Variants in BCAR3 observed in about 807,000 individuals in gnomAD.
The protein encoded by BCAR3 is BCAR3 adaptor protein, NSP family member.
In BCAR3, 37 loss-of-function variants were observed where a neutral mutation model predicts 80.1. That is an observed-to-expected ratio of 0.46 (90% CI 0.36 to 0.61). BCAR3 has a LOEUF of 0.61. Among genes scored for constraint, BCAR3 ranks in the 20% least tolerant of loss-of-function variants. BCAR3 has a pLI of 0.00. For synonymous variants in BCAR3, 389 were observed against 418.9 expected, an observed-to-expected ratio of 0.93 and a Z score of 0.87; for missense variants, 978 against 1,068.2, an observed-to-expected ratio of 0.92 and a Z score of 1.18.
intron 2 of BCAR3, among the ~76,000 whole-genome samples, chr1:93,770,633 A>C (rs912822637): frequency 1.3e-5 from 2 of 152,198 alleles, no homozygotes; most frequent in Non-Finnish European, 2.9e-5. Context: ...GGTGGGTAGA[A>C]AATACCTATA....
intron 5 of BCAR3, chr1:93,584,882 T>C (rs1354567065): frequency 5.3e-6 from 4 of 757,518 alleles, no homozygotes; most frequent in Non-Finnish European, 6.4e-6. Flanking sequence ...ACAGAGGCAC[T>C]GCACCAGCCA....
intron 7 of BCAR3, among the ~76,000 whole-genome samples, chr1:93,581,929 G>A (rs1557842971): frequency 6.6e-6 from 1 of 152,172 alleles, no homozygotes; most frequent in African/African-American, 2.4e-5. Context: ...TGAGGCAAGG[G>A]GGTAGTTTAT....
intron 2 of BCAR3, among the ~76,000 whole-genome samples, chr1:93,834,346 C>T (rs1654686612): frequency 6.6e-6 from 1 of 152,062 alleles, no homozygotes; most frequent in Admixed American, 6.6e-5. Context: ...ACTCTCCTAT[C>T]CCTCAATACC....
chr1:93,659,306 T>A (rs1459994285), intron 2 of BCAR3, among the ~76,000 whole-genome samples: 1 of 152,154 alleles, frequency 6.6e-6, no homozygotes, highest in African/African-American at 2.4e-5. Flanking sequence ...TGACTCAGCC[T>A]CCTGAGTAGC....
chr1:93,620,534 ATGGGGCC>A (rs1675275402), intron 3 of BCAR3, among the ~76,000 whole-genome samples: 1 of 151,964 alleles, frequency 6.6e-6, no homozygotes, highest in Non-Finnish European at 1.5e-5. Flanking sequence ...CCCTCTGCCT[ATGGGGCC>A]TGGGTGGTAC....
At chr1:93,605,301 G>T (rs1674742000) in intron 3 of BCAR3, 1 of 152,212 alleles carries the variant, frequency 6.6e-6, no homozygotes, top group African/African-American at 2.4e-5. Context: ...TTTGATAAAA[G>T]CTAAACACCA....
chr1:93,582,721 C>G lies in BCAR3; in HGVS notation c.1266G>C (p.Trp422Cys), dbSNP rs1443287375. Reference sequence around the variant, plus strand: ...CACAGTAGTTGGCCTCTGAGTTGAGCCAGGCAGAGGGAGACGAGGGAACCT... The same window carrying G: ...CACAGTAGTTGGCCTCTGAGTTGAGGCAGGCAGAGGGAGACGAGGGAACCT... ...FLKVPSSPSA[W>C]LNSEANYCEL... The change falls in exon 7 of 12, where the codon TGG becomes TGC. Residue 422 changes from tryptophan (W) to cysteine (C), a missense_variant. By Grantham distance (215) the Trp-to-Cys change is radical. Transcript: ENST00000260502. 2.5e-6 allele frequency: 4 copies of G among 1,614,064 alleles called. No homozygotes were observed. The highest frequency in any genetic ancestry group is 1.6e-4 in the Middle Eastern group (1 of 6,062).
chr1:93,727,487 C>A (rs1212499582), intron 2 of BCAR3, among the ~76,000 whole-genome samples: 1 of 152,186 alleles, frequency 6.6e-6, no homozygotes, highest in Non-Finnish European at 1.5e-5. Context: ...AAAAACTGGA[C>A]TTTATTCAAG....
rs754530775 is a variant in BCAR3 at position 93,584,004 on chromosome 1, T to TC, written c.1033+13dup. The TC allele has an allele frequency of 3.4e-5, 55 of 1,611,316 alleles. No individual in the cohort carries two copies. The highest frequency in any genetic ancestry group is 3.8e-5 in the Non-Finnish European group (45 of 1,178,038). ...TAACACTGACGTTCTCCCTGAAAATTCCCCGAAACATACCAATCGGCAGGT... is the reference window on the plus strand; with the variant it reads ...TAACACTGACGTTCTCCCTGAAAATTCCCCCGAAACATACCAATCGGCAGGT... On this transcript the variant is annotated intron_variant, in intron 6 of 11. Coordinates refer to ENST00000260502, the MANE Select transcript of BCAR3 (RefSeq NM_003567.4).
intron 2 of BCAR3, among the ~76,000 whole-genome samples, chr1:93,769,138 T>C (rs1042846058): frequency 6.6e-6 from 1 of 152,122 alleles, no homozygotes; most frequent in South Asian, 2.1e-4. Context: ...ACGATATAAC[T>C]TCCCGAAAAG....
intron 3 of BCAR3, among the ~76,000 whole-genome samples, chr1:93,690,125 G>T (rs1281118785): frequency 6.6e-6 from 1 of 152,162 alleles, no homozygotes; most frequent in Non-Finnish European, 1.5e-5. Flanking sequence ...GAAACGTTAG[G>T]TGAAAAATAC....
chr1:93,632,594 C>T (rs1675660670), intron 3 of BCAR3, among the ~76,000 whole-genome samples: 1 of 151,998 alleles, frequency 6.6e-6, no homozygotes, highest in Non-Finnish European at 1.5e-5. Flanking sequence ...GGGATGTAGC[C>T]CCATCGTAAG....
chr1:93,642,644 G>C (rs1239071517), intron 2 of BCAR3, among the ~76,000 whole-genome samples: 2 of 152,232 alleles, frequency 1.3e-5, no homozygotes, highest in Non-Finnish European at 2.9e-5. Context: ...GAGCTCAGGG[G>C]AGGGCAGAGG....
intron 2 of BCAR3, among the ~76,000 whole-genome samples, chr1:93,722,436 C>A (rs1650437476): frequency 6.6e-6 from 1 of 152,186 alleles, no homozygotes; most frequent in South Asian, 2.1e-4. Context: ...CCGCCACGGT[C>A]CATGGGGTGC....
intron 2 of BCAR3, among the ~76,000 whole-genome samples, chr1:93,845,301 G>T (rs1415601499): frequency 1.3e-5 from 2 of 151,844 alleles, no homozygotes; most frequent in Non-Finnish European, 2.9e-5. Flanking sequence ...GAGACCCTGA[G>T]ATGCCACCAG....
At chr1:93,704,282 G>T (rs1461629868) in intron 3 of BCAR3, among the ~76,000 whole-genome samples, 1 of 150,088 alleles carries the variant, frequency 6.7e-6, no homozygotes, top group African/African-American at 2.5e-5. Flanking sequence ...CATAAGTTTG[G>T]CAAATTTGAG....
At chr1:93,760,421 T>C (rs995380999) in intron 2 of BCAR3, among the ~76,000 whole-genome samples, 1 of 152,052 alleles carries the variant, frequency 6.6e-6, no homozygotes, top group Admixed American at 6.5e-5. Flanking sequence ...GTCTTCCAGG[T>C]ATAAAGCATG....
At chr1:93,623,074 C>A (rs2101891879) in intron 3 of BCAR3, among the ~76,000 whole-genome samples, 1 of 152,266 alleles carries the variant, frequency 6.6e-6, no homozygotes, top group Admixed American at 6.5e-5. Context: ...ACCCCCTGCC[C>A]ATAACTTCTC....
exon 2 of BCAR3, chr1:93,845,611 C>T (rs575827625): frequency 6.6e-6 from 1 of 151,942 alleles, no homozygotes; most frequent in South Asian, 2.1e-4. Context: ...CACGTTCTTC[C>T]TAGATGTGCC....
Sources: gnomAD v4.1 joint callset for allele counts (sites outside exome capture counted in the v4.1 genomes callset) on GRCh38, gnomAD v4.1.1 for gene constraint, MANE v1.5 for transcripts, NCBI Gene and HGNC (gene_info 2026-07-23, HGNC 2026-07-21) for gene names.